The following KDM4C variants were observed in gnomAD, a reference collection of about 807,000 sequenced individuals.
KDM4C encodes the protein lysine demethylase 4C.
A neutral mutation model predicts 129.3 loss-of-function variants in KDM4C; 81 were observed. The ratio of observed to expected loss-of-function variants is 0.63; its 90% CI spans 0.52 to 0.75. The LOEUF (loss-of-function observed/expected upper bound fraction) is 0.75. Among genes scored for constraint, KDM4C ranks in the 30% least tolerant of loss-of-function variants. The probability of loss-of-function intolerance (pLI) is 0.00; values close to 1 mark genes in which losing one functional copy is unlikely to be tolerated. For synonymous variants in KDM4C, 573 were observed against 456.1 expected (o/e 1.26, Z -3.26); for missense variants, 1,457 against 1,304.0 (o/e 1.12, Z -1.81).
chr9:7,156,231 T>C (rs1402424118), intron 19 of KDM4C, among the ~76,000 whole-genome samples: 3 of 152,128 alleles, frequency 2.0e-5, no homozygotes, highest in African/African-American at 7.2e-5. Context: ...AAATTTGAGT[T>C]CTTTGTAGAT....
At chr9:6,892,410 G>C (rs1367689058) in intron 7 of KDM4C, among the ~76,000 whole-genome samples, 2 of 151,554 alleles carry the variant, frequency 1.3e-5, no homozygotes, top group African/African-American at 4.8e-5. Context: ...TAAAAAAAAA[G>C]TCTTTAATCT....
At chr9:6,871,886 G>T (rs879265438) in intron 5 of KDM4C, among the ~76,000 whole-genome samples, 1 of 152,166 alleles carries the variant, frequency 6.6e-6, no homozygotes, top group Admixed American at 6.5e-5. Context: ...ACATTGAGCA[G>T]CATCTTGCTT....
chr9:7,091,487 A>G (rs530249618), intron 17 of KDM4C, among the ~76,000 whole-genome samples: 1 of 152,294 alleles, frequency 6.6e-6, no homozygotes, highest in African/African-American at 2.4e-5. Flanking sequence ...CACATCCCCT[A>G]TACTTTAAGA....
intron 17 of KDM4C, chr9:7,076,904 A>T: frequency 2.0e-6 from 2 of 987,854 alleles, no homozygotes; most frequent in Non-Finnish European, 2.4e-6. Context: ...CTCCTGTAGC[A>T]TGGAGGCATT....
chr9:6,973,230 A>T (rs1270240867), intron 8 of KDM4C, among the ~76,000 whole-genome samples: 1 of 152,154 alleles, frequency 6.6e-6, no homozygotes, highest in Non-Finnish European at 1.5e-5. Context: ...CTCCCCAGAT[A>T]TGGGGTCTTG....
At chr9:7,070,357 T>C (rs1372534329) in intron 17 of KDM4C, among the ~76,000 whole-genome samples, 3 of 152,092 alleles carry the variant, frequency 2.0e-5, no homozygotes, top group Non-Finnish European at 2.9e-5. Flanking sequence ...TTTAAAAAAT[T>C]AGAAGTGAAG....
At chr9:6,883,990 T>C (rs1844869865) in intron 6 of KDM4C, among the ~76,000 whole-genome samples, 1 of 152,202 alleles carries the variant, frequency 6.6e-6, no homozygotes, top group Non-Finnish European at 1.5e-5. Context: ...ATCTCGGTTT[T>C]CTGCTAATTA....
At chr9:6,872,376 C>T (rs956585038) in intron 5 of KDM4C, among the ~76,000 whole-genome samples, 1 of 152,118 alleles carries the variant, frequency 6.6e-6, no homozygotes, top group African/African-American at 2.4e-5. Flanking sequence ...CTGTAAATGT[C>T]TATTAGGTCC....
chr9:7,062,449 G>T (rs1165951823), intron 17 of KDM4C, among the ~76,000 whole-genome samples: 1 of 152,114 alleles, frequency 6.6e-6, no homozygotes, highest in Admixed American at 6.5e-5. Flanking sequence ...GTGCAGTGGT[G>T]CAGTCATGGC....
intron 4 of KDM4C, among the ~76,000 whole-genome samples, chr9:6,827,279 T>C (rs1333273342): frequency 6.6e-6 from 1 of 152,232 alleles, no homozygotes; most frequent in Non-Finnish European, 1.5e-5. Context: ...AATTAACTGC[T>C]CTCTCTCGTT....
At chr9:6,964,550 T>A (rs1186575949) in intron 8 of KDM4C, among the ~76,000 whole-genome samples, 1 of 152,116 alleles carries the variant, frequency 6.6e-6, no homozygotes, top group African/African-American at 2.4e-5. Flanking sequence ...ACAGTAAACA[T>A]ACATGTGCAT....
rs1284277574 is a variant in KDM4C at position 6,849,588 on chromosome 9, G to A, written c.517G>A (p.Val173Ile). Residue 173 changes from valine to isoleucine, a missense_variant, in exon 5 of 22, where the codon GTA (valine) becomes ATA (isoleucine). By Grantham distance (29) the Val-to-Ile change is conservative (BLOSUM62 3). Transcript: ENST00000381309. ...EEECGISIEGVNTPYLYFGMW... is the reference protein window; with the variant it reads ...EEECGISIEGINTPYLYFGMW... Reference sequence around the variant, plus strand: ...AGAGTGTGGCATTTCTATTGAGGGTGTAAATACCCCATATCTCTATTTTGG... The same window carrying A: ...AGAGTGTGGCATTTCTATTGAGGGTATAAATACCCCATATCTCTATTTTGG... 6.2e-7 allele frequency: 1 copy of A among 1,613,918 alleles called. No individual in the cohort carries two copies. Among genetic ancestry groups the A allele is most frequent in the Admixed American group, 1.7e-5 (1 of 60,006 alleles).
At chr9:6,998,732 G>A (rs1314047369) in intron 12 of KDM4C, among the ~76,000 whole-genome samples, 1 of 152,194 alleles carries the variant, frequency 6.6e-6, no homozygotes, top group East Asian at 1.9e-4. Flanking sequence ...GGAGGTGGAG[G>A]CTGCAGTGCG....
At position 6,725,711 on chromosome 9, in the gene KDM4C, C is replaced by CT. The variant is rs201307657; in HGVS notation, c.49+4730dup. ...TCTTTCTTTTCTTTTCTTTTCTTTT[C>CT]TTTTTTTTTTTTTTTTGAGACAGAG... On this transcript the variant is annotated intron_variant, in intron 1 of 17. Transcript: ENST00000536108. Among the ~76,000 whole-genome samples, 357 of 86,468 alleles carry CT rather than the reference C, an allele frequency of 4.1e-3. 3 individuals carry two copies. Among genetic ancestry groups the CT allele is most frequent in the Middle Eastern group, 0.021 (3 of 142 alleles). 56.7% of individuals were successfully genotyped at this position (86,468 alleles called of 152,430 possible).
At chr9:6,819,892 C>T (rs1329650645) in intron 4 of KDM4C, among the ~76,000 whole-genome samples, 2 of 152,080 alleles carry the variant, frequency 1.3e-5, no homozygotes, top group African/African-American at 4.8e-5. Context: ...ACTGGTTTCT[C>T]GTGGTTCATG....
chr9:7,127,113 G>A (rs181401853), intron 18 of KDM4C, among the ~76,000 whole-genome samples: 112 of 152,204 alleles, frequency 7.4e-4, no homozygotes, highest in Middle Eastern at 3.4e-3. Context: ...CTTACCAAAT[G>A]TCAACTAAGT....
intron 1 of KDM4C, among the ~76,000 whole-genome samples, chr9:6,740,359 C>T (rs946768353): frequency 2.0e-5 from 3 of 151,760 alleles, no homozygotes; most frequent in African/African-American, 7.3e-5. Context: ...GCCCGTCACC[C>T]CACCTGGCTA....
At chr9:7,067,171 A>G (rs1416857992) in intron 17 of KDM4C, among the ~76,000 whole-genome samples, 1 of 151,930 alleles carries the variant, frequency 6.6e-6, no homozygotes, top group Admixed American at 6.6e-5. Flanking sequence ...TAATTTCAAA[A>G]CTCCATTTAT....
At chr9:6,889,303 C>T (rs1845777174) in intron 7 of KDM4C, among the ~76,000 whole-genome samples, 1 of 149,356 alleles carries the variant, frequency 6.7e-6, no homozygotes, top group South Asian at 2.2e-4. Context: ...TGCCAGGGTT[C>T]ATTCTTCAGC....
Sources: gnomAD v4.1 joint callset for allele counts (sites outside exome capture counted in the v4.1 genomes callset) on GRCh38, gnomAD v4.1.1 for gene constraint, MANE v1.5 for transcripts, NCBI Gene and HGNC (gene_info 2026-07-23, HGNC 2026-07-21) for gene names.